Variants in ATG5 observed in about 807,000 individuals in gnomAD.
ATG5 encodes autophagy protein 5.
In ATG5, 14 loss-of-function variants were observed where a neutral mutation model predicts 36.5. The ratio of observed to expected loss-of-function variants is 0.38; its 90% CI spans 0.25 to 0.60. ATG5 has a LOEUF of 0.60. Among genes scored for constraint, ATG5 ranks in the 20% least tolerant of loss-of-function variants. ATG5 has a pLI of 0.60. For synonymous variants in ATG5, 95 were observed against 101.5 expected (o/e 0.94, Z 0.38); for missense variants, 195 against 326.7 (o/e 0.60, Z 3.11).
chr6:106,278,559 G>A lies in ATG5; in HGVS notation c.478+1102C>T, dbSNP rs1779749603. 2.6e-5 allele frequency among the ~76,000 whole-genome samples: 4 copies of A among 152,024 alleles called. No homozygotes were observed. The South Asian group carries it at 8.3e-4, about 32-fold the overall frequency. ...ATAAGTTCCTCAGTAAGTTCCCCTG[G>A]CTGCATAATCTAGTCTCTTGAAGGG... On this transcript the variant is annotated intron_variant, in intron 5 of 7. Coordinates refer to ENST00000369076, the MANE Select transcript of ATG5 (RefSeq NM_004849.4).
intron 6 of ATG5, among the ~76,000 whole-genome samples, chr6:106,247,291 T>G (rs1035678698): frequency 6.6e-6 from 1 of 152,236 alleles, no homozygotes; most frequent in African/African-American, 2.4e-5. Flanking sequence ...ATTAATAGTA[T>G]GTAACTTACT....
At chr6:106,206,732 A>C (rs1235866816) in intron 6 of ATG5, among the ~76,000 whole-genome samples, 1 of 152,172 alleles carries the variant, frequency 6.6e-6, no homozygotes, top group Non-Finnish European at 1.5e-5. Context: ...TACCCTTAAA[A>C]TAAAAGCTCC....
intron 5 of ATG5, among the ~76,000 whole-genome samples, chr6:106,252,688 T>C (rs1778641296): frequency 6.6e-6 from 1 of 152,194 alleles, no homozygotes; most frequent in South Asian, 2.1e-4. Context: ...ACGGGAGACA[T>C]GGAGGACATA....
rs374780578 is a variant in ATG5, at chr6:106,246,430, A to C, written c.573+1720T>G. On this transcript the variant is annotated intron_variant, in intron 6 of 7. Transcript: ENST00000369076. Reference sequence around the variant, plus strand: ...CACACACACACACACACACACACACACCCTTTCTCTCTCTCTCTCTCTGAA... The same window carrying C: ...CACACACACACACACACACACACACCCCCTTTCTCTCTCTCTCTCTCTGAA... Among the ~76,000 whole-genome samples the C allele has an allele frequency of 1.8e-3, 240 of 130,658 alleles. 1 individual carries two copies. Among genetic ancestry groups the C allele is most frequent in the African/African-American group, 5.9e-3 (208 of 35,456 alleles). 85.7% of individuals were successfully genotyped at this position (130,658 alleles called of 152,430 possible). A position where few individuals can be genotyped will look rare whatever the true frequency, so the allele number is the denominator to read the frequency against.
intron 6 of ATG5, among the ~76,000 whole-genome samples, chr6:106,230,302 G>C (rs1015292348): frequency 5.3e-5 from 8 of 152,196 alleles, no homozygotes; most frequent in African/African-American, 1.9e-4. Flanking sequence ...AAACGAATTT[G>C]CCTAAGAACT....
chr6:106,304,857 C>A (rs1434790026), intron 3 of ATG5, among the ~76,000 whole-genome samples: 1 of 152,046 alleles, frequency 6.6e-6, no homozygotes, highest in Non-Finnish European at 1.5e-5. Flanking sequence ...TTTGGGAGGC[C>A]CAGGCAGGTG....
chr6:106,211,561 T>C (rs776758953), intron 6 of ATG5, among the ~76,000 whole-genome samples: 4 of 152,030 alleles, frequency 2.6e-5, no homozygotes, highest in Non-Finnish European at 5.9e-5. Context: ...ATAAAAAAAA[T>C]TAGCCGGGAG....
At chr6:106,194,771 AG>A (rs1776111546) in intron 7 of ATG5, among the ~76,000 whole-genome samples, 4 of 152,190 alleles carry the variant, frequency 2.6e-5, no homozygotes, top group African/African-American at 9.7e-5. Flanking sequence ...TCCTGACCTC[AG>A]GTGATCCACC....
chr6:106,231,597 C>T (rs935926002), intron 6 of ATG5, among the ~76,000 whole-genome samples: 10 of 152,160 alleles, frequency 6.6e-5, no homozygotes, highest in Non-Finnish European at 7.4e-5. Context: ...AAAATCCTAC[C>T]GCCTTTCTGG....
At position 106,197,073 on chromosome 6, in the gene ATG5, G is replaced by A. The variant is rs2114336625; in HGVS notation, c.691+4899C>T. Among the ~76,000 whole-genome samples, 3 of 152,294 alleles carry A rather than the reference G, an allele frequency of 2.0e-5. No individual in the cohort carries two copies. The East Asian group carries it at 5.8e-4, about 29-fold the overall frequency. ...GTCTGTGACAATTGTGCTGCTGTTAGGGGACAGATCATTACAGAACACATT... is the reference window on the plus strand; with the variant it reads ...GTCTGTGACAATTGTGCTGCTGTTAAGGGACAGATCATTACAGAACACATT... On this transcript the variant is annotated intron_variant, in intron 7 of 7. Coordinates refer to ENST00000369076, the MANE Select transcript of ATG5 (RefSeq NM_004849.4).
At chr6:106,221,849 A>G (rs1221788229) in intron 6 of ATG5, among the ~76,000 whole-genome samples, 1 of 152,118 alleles carries the variant, frequency 6.6e-6, no homozygotes, top group Non-Finnish European at 1.5e-5. Flanking sequence ...AGTAAGGTCA[A>G]TTTTTACATA....
At chr6:106,219,442 T>A (rs1777158279) in intron 6 of ATG5, among the ~76,000 whole-genome samples, 1 of 152,202 alleles carries the variant, frequency 6.6e-6, no homozygotes, top group South Asian at 2.1e-4. Flanking sequence ...CATCTGCAGA[T>A]TCAACTAACC....
rs71793771 is a variant in ATG5, at chr6:106,280,274, CAA to C, written c.316-453_316-452del. On this transcript the variant is annotated intron_variant, in intron 4 of 7. Coordinates refer to ENST00000369076, the MANE Select transcript of ATG5 (RefSeq NM_004849.4). ...CCTAAGAGAAATGAAAGTATTATGTCAAAAAAAAAAAAAAAAGAAAGAAAAGA... is the reference window on the plus strand; with the variant it reads ...CCTAAGAGAAATGAAAGTATTATGTCAAAAAAAAAAAAAAGAAAGAAAAGA... 4.4e-3 allele frequency among the ~76,000 whole-genome samples: 382 copies of C among 87,262 alleles called. 2 individuals are homozygous for C. Among genetic ancestry groups the C allele is most frequent in the African/African-American group, 0.014 (336 of 24,784 alleles). 57.2% of individuals were successfully genotyped at this position (87,262 alleles called of 152,430 possible). A position where few individuals can be genotyped will look rare whatever the true frequency, so the allele number is the denominator to read the frequency against.
intron 3 of ATG5, among the ~76,000 whole-genome samples, chr6:106,293,829 T>G (rs1487020394): frequency 6.6e-6 from 1 of 152,220 alleles, no homozygotes; most frequent in Non-Finnish European, 1.5e-5. Context: ...TGTTGTAGAT[T>G]TCAATGGACA....
At chr6:106,211,756 T>G (rs1167241267) in intron 6 of ATG5, among the ~76,000 whole-genome samples, 2 of 152,186 alleles carry the variant, frequency 1.3e-5, no homozygotes, top group African/African-American at 4.8e-5. Context: ...ATAATATCAT[T>G]TGCTCCAGTG....
intron 4 of ATG5, among the ~76,000 whole-genome samples, chr6:106,281,722 T>C (rs1218986837): frequency 1.3e-5 from 2 of 152,210 alleles, no homozygotes; most frequent in Non-Finnish European, 2.9e-5. Context: ...ATAGAGTAAG[T>C]GTATGTTCTA....
At chr6:106,208,940 A>T (rs1486149757) in intron 6 of ATG5, among the ~76,000 whole-genome samples, 1 of 152,234 alleles carries the variant, frequency 6.6e-6, no homozygotes, top group Non-Finnish European at 1.5e-5. Flanking sequence ...CTCACACATC[A>T]TTAGCCATTA....
In ATG5 at chr6:106,248,176, G is replaced by A. The variant is rs1158686992; in HGVS notation, c.547C>T (p.Arg183Cys). ...MEYPAEENGFRYIPFRIYQTT... is the reference protein window; with the variant it reads ...MEYPAEENGFCYIPFRIYQTT... ...TGATATATTCTAAAGGGGATATAAC[G>A]AAATCCATTTTCTTCTGCAGGATAT... The change falls in exon 6 of 8, where the codon CGT becomes TGT. Residue 183 changes from arginine to cysteine, a missense_variant. Transcript: ENST00000369076. The A allele has an allele frequency of 1.2e-6, 2 of 1,610,576 alleles. No homozygotes were observed. Among genetic ancestry groups the A allele is most frequent in the African/African-American group, 1.3e-5 (1 of 74,800 alleles).
At chr6:106,232,911 C>T (rs1582585594) in intron 6 of ATG5, among the ~76,000 whole-genome samples, 1 of 152,164 alleles carries the variant, frequency 6.6e-6, no homozygotes, top group Non-Finnish European at 1.5e-5. Context: ...TTTGAAGATC[C>T]TTCAAACCCA....
Sources: allele counts gnomAD v4.1 joint callset (sites outside exome capture counted in the v4.1 genomes callset), GRCh38; gene constraint gnomAD v4.1.1; transcripts MANE v1.5; gene names NCBI Gene and HGNC (gene_info 2026-07-23, HGNC 2026-07-21).